The following CBL variants were observed in gnomAD, a reference collection of about 807,000 sequenced individuals.
CBL encodes Cbl proto-oncogene.
A neutral mutation model predicts 96.9 loss-of-function variants in CBL; 45 were observed. That is an observed-to-expected ratio of 0.46 (90% CI 0.37 to 0.60). CBL has a LOEUF of 0.60. Among genes scored for constraint, CBL ranks in the 20% least tolerant of loss-of-function variants. CBL has a pLI of 0.00. For missense variants in CBL, 1,024 were observed against 1,143.5 expected, an observed-to-expected ratio of 0.90 and a Z score of 1.51; for synonymous variants, 420 against 426.8, an observed-to-expected ratio of 0.98 and a Z score of 0.20.
chr11:119,304,560 A>G lies in CBL; in HGVS notation c.*4779A>G, dbSNP rs1950122070. The G allele has an allele frequency of 1.3e-5, 3 of 232,494 alleles. No homozygotes were observed. Among genetic ancestry groups the G allele is most frequent in the East Asian group, 6.1e-5 (1 of 16,466 alleles). The allele number at this position is 232,494 out of a possible 1,614,324, so 14.4% of individuals were successfully genotyped here. A position where few individuals can be genotyped will look rare whatever the true frequency, so the allele number is the denominator to read the frequency against. ...TATGTGGCCCCCAAATAGGCACTCT[A>G]GTCCTCAAGTCTACACCACCTTCCA... On this transcript the variant is annotated 3_prime_UTR_variant, in exon 16 of 16. Coordinates refer to ENST00000264033, the MANE Select transcript of CBL (RefSeq NM_005188.4).
intron 2 of CBL, among the ~76,000 whole-genome samples, chr11:119,261,560 G>C (rs1949753887): frequency 2.6e-5 from 4 of 152,152 alleles, no homozygotes; most frequent in Admixed American, 6.6e-5. Context: ...TTTGTTGAGG[G>C]AGAGGGTATG....
Position 119,271,787 on chromosome 11 carries a change from A to G in CBL, c.496A>G (p.Lys166Glu). 2 of 1,614,040 alleles carry G rather than the reference A, an allele frequency of 1.2e-6. No individual in the cohort carries two copies. Among genetic ancestry groups the G allele is most frequent in the Non-Finnish European group, 1.7e-6 (2 of 1,179,910 alleles). ...LIFSHMLAEL[K>E]GIFPSGLFQG... ...CTTCAGCCACATGCTGGCAGAACTA[A>G]AAGGAATCTTTCCAAGTGGACTCTT... The change falls in exon 3 of 16, where the codon AAA (lysine) becomes GAA (glutamate). Residue 166 changes from lysine (K) to glutamate (E), a missense_variant. Around this residue, in one of 4 missense-constraint regions of CBL, gnomAD observed 192 missense variants for 321.8 expected, o/e 0.60. Transcript: ENST00000264033.
chr11:119,269,002 A>T (rs1052133806), intron 2 of CBL, among the ~76,000 whole-genome samples: 1 of 152,226 alleles, frequency 6.6e-6, no homozygotes, highest in Non-Finnish European at 1.5e-5. Flanking sequence ...TAGATGTCTG[A>T]GCCACAGGCT....
At chr11:119,270,996 T>C (rs1949844141) in intron 2 of CBL, among the ~76,000 whole-genome samples, 1 of 152,246 alleles carries the variant, frequency 6.6e-6, no homozygotes, top group South Asian at 2.1e-4. Context: ...GATGTTAGCA[T>C]CTCATTTTTG....
rs1419753143 is a variant in CBL, at chr11:119,297,305, CGAG to C, written c.2154-78_2154-76del. On this transcript the variant is annotated intron_variant, in intron 13 of 15. Transcript: ENST00000264033. ...ACATTTATTAGTGATATTGGCAAAACGAGAAGATGAATCTTCATAAGTTTATAG... is the reference window on the plus strand; with the variant it reads ...ACATTTATTAGTGATATTGGCAAAACAAGATGAATCTTCATAAGTTTATAG... The C allele has an allele frequency of 2.0e-5, 23 of 1,165,758 alleles. No individual in the cohort carries two copies. In the Admixed American group the frequency reaches 2.0e-4, roughly 10 times the overall value. The allele number at this position is 1,165,758 out of a possible 1,614,324, so 72.2% of individuals were successfully genotyped here.
intron 1 of CBL, among the ~76,000 whole-genome samples, chr11:119,210,746 G>A (rs150159313): frequency 1.3e-3 from 196 of 150,924 alleles, no homozygotes; most frequent in African/African-American, 4.2e-3. Context: ...GAGCCACCGC[G>A]CCTGGCTCAA....
intron 2 of CBL, among the ~76,000 whole-genome samples, chr11:119,263,031 A>G (rs953489147): frequency 2.6e-5 from 4 of 152,236 alleles, no homozygotes; most frequent in African/African-American, 9.6e-5. Context: ...ACGGTTAGTA[A>G]TTCCTATTTC....
At chr11:119,230,637 A>G (rs1229641930) in intron 1 of CBL, among the ~76,000 whole-genome samples, 1 of 152,224 alleles carries the variant, frequency 6.6e-6, no homozygotes, top group East Asian at 1.9e-4. Flanking sequence ...ATTTATTTTC[A>G]TGTAATGTGT....
rs748677928 is a variant in CBL at position 119,306,359 on chromosome 11, T to G, written c.*6578T>G. ...AGAAATCAGCAGAGTCCTGATTGCC[T>G]GATTCAGTCCCAAAAATGAATGTCA... On this transcript the variant is annotated 3_prime_UTR_variant, in exon 16 of 16. Transcript: ENST00000264033. The G allele has an allele frequency of 2.5e-6, 1 of 398,844 alleles. No individual in the cohort carries two copies. Among genetic ancestry groups the G allele is most frequent in the Non-Finnish European group, 4.4e-6 (1 of 226,164 alleles). 24.7% of individuals were successfully genotyped at this position (398,844 alleles called of 1,614,324 possible). A position where few individuals can be genotyped will look rare whatever the true frequency, so the allele number is the denominator to read the frequency against.
intron 14 of CBL, 124 bp downstream of exon 14, chr11:119,297,605 G>A (rs1028334188): frequency 2.2e-5 from 16 of 740,074 alleles, no homozygotes; most frequent in Admixed American, 1.2e-4. Context: ...CTACAGGTAC[G>A]TGCCACCATG....
intron 2 of CBL, among the ~76,000 whole-genome samples, chr11:119,262,797 A>T (rs1949763998): frequency 6.6e-6 from 1 of 152,204 alleles, no homozygotes; most frequent in Non-Finnish European, 1.5e-5. Context: ...TCAGAAGCTG[A>T]GAGTAGACGT....
At chr11:119,231,945 A>C (rs925697735) in intron 1 of CBL, among the ~76,000 whole-genome samples, 5 of 151,656 alleles carry the variant, frequency 3.3e-5, no homozygotes, top group African/African-American at 1.2e-4. Context: ...AAAAAAAAAA[A>C]ACAACAATTA....
At chr11:119,265,489 C>A (rs1949794817) in intron 2 of CBL, among the ~76,000 whole-genome samples, 1 of 152,196 alleles carries the variant, frequency 6.6e-6, no homozygotes, top group Non-Finnish European at 1.5e-5. Flanking sequence ...AAATTATCTG[C>A]AGACAGAAAA....
chr11:119,274,688 A>G (rs974974814), intron 4 of CBL, 144 bp from the exon 5 acceptor site: 3 of 757,182 alleles, frequency 4.0e-6, no homozygotes, highest in Admixed American at 2.1e-5. Flanking sequence ...TCCTGAACAC[A>G]TGTGTCTTCT....
rs886047797 is a variant in CBL at position 119,304,740 on chromosome 11, C to T, written c.*4959C>T. 5.1e-5 allele frequency: 10 copies of T among 197,736 alleles called. No homozygotes were observed. Among genetic ancestry groups the T allele is most frequent in the Non-Finnish European group, 1.0e-4 (10 of 95,548 alleles). The allele number at this position is 197,736 out of a possible 1,614,324, so 12.2% of individuals were successfully genotyped here. A position where few individuals can be genotyped will look rare whatever the true frequency, so the allele number is the denominator to read the frequency against. On this transcript the variant is annotated 3_prime_UTR_variant, in exon 16 of 16. Coordinates refer to ENST00000264033, the MANE Select transcript of CBL (RefSeq NM_005188.4). ...CTCCCAGGTTCAAGCAGTTCTCTGCCTCAACCTCCCGAGTAGCTGGGATTA... is the reference window on the plus strand; with the variant it reads ...CTCCCAGGTTCAAGCAGTTCTCTGCTTCAACCTCCCGAGTAGCTGGGATTA...
chr11:119,262,129 C>G (rs1949759621), intron 2 of CBL, among the ~76,000 whole-genome samples: 1 of 152,184 alleles, frequency 6.6e-6, no homozygotes, highest in Non-Finnish European at 1.5e-5. Flanking sequence ...AAGGGCACTT[C>G]ACCTCTGTTA....
At chr11:119,285,637 T>C (rs1949979412) in intron 11 of CBL, 71 bp downstream of exon 11, 2 of 1,551,660 alleles carry the variant, frequency 1.3e-6, no homozygotes, top group Admixed American at 3.5e-5. Flanking sequence ...GGCTCATGTC[T>C]GTAATCCCAG....
intron 2 of CBL, among the ~76,000 whole-genome samples, chr11:119,242,406 C>T (rs532078103): frequency 2.6e-5 from 4 of 151,744 alleles, no homozygotes; most frequent in South Asian, 2.1e-4. Context: ...GGCATGGTGG[C>T]GGGTACCTGT....
intron 2 of CBL, among the ~76,000 whole-genome samples, chr11:119,239,534 C>G (rs1438012129): frequency 1.3e-5 from 2 of 152,300 alleles, no homozygotes; most frequent in Middle Eastern, 3.4e-3. Context: ...GATCATGTCA[C>G]ATGCAATTAG....
Sources: gnomAD v4.1 joint callset for allele counts (sites outside exome capture counted in the v4.1 genomes callset) on GRCh38, gnomAD v4.1.1 for gene constraint, gnomAD v4.1.1 regional missense constraint, MANE v1.5 for transcripts, NCBI Gene and HGNC (gene_info 2026-07-23, HGNC 2026-07-21) for gene names.